The following GSDMC variants were observed in gnomAD, a reference collection of about 807,000 sequenced individuals.
GSDMC encodes the protein gasdermin-C.
GSDMC carries 59 observed loss-of-function variants against 58.0 expected under a neutral mutation model. The observed-to-expected ratio is 1.02, with a 90% CI of 0.82 to 1.26. The LOEUF (loss-of-function observed/expected upper bound fraction) is 1.26. GSDMC is among the 50% of genes most tolerant of loss of function. The pLI is 0.00. For missense variants in GSDMC, 659 were observed against 598.5 expected (o/e 1.10, Z -1.06); for synonymous variants, 241 against 220.2 (o/e 1.09, Z -0.83).
At position 129,776,251 on chromosome 8, in the gene GSDMC, G is replaced by A. The variant is rs2034223879; in HGVS notation, c.255C>T (p.Asp85=). ...CAGCCTTATGCTTCTGGATCATAAT[G>A]TCACTGAAGTGGAACGGTCCTGTCA... ...TVVTGPFHFS[D]IMIQKHKADM... Residue 85 remains aspartate (D), a synonymous_variant, in exon 3 of 14, where the codon GAC becomes GAT. Coordinates refer to ENST00000276708, the MANE Select transcript of GSDMC (RefSeq NM_031415.3). 1.2e-6 allele frequency: 2 copies of A among 1,613,138 alleles called. No individual in the cohort carries two copies. The highest frequency in any genetic ancestry group is 1.7e-6 in the Non-Finnish European group (2 of 1,179,588).
chr8:129,759,514 T>C (rs1265497996), intron 6 of GSDMC, among the ~76,000 whole-genome samples: 1 of 152,084 alleles, frequency 6.6e-6, no homozygotes, highest in Admixed American at 6.6e-5. Context: ...AATGACTATA[T>C]AGAAATAAAT....
At chr8:129,750,181 C>T in intron 11 of GSDMC, 62 bp from the exon 12 acceptor site, 1 of 1,322,328 alleles carries the variant, frequency 7.6e-7, no homozygotes, top group Non-Finnish European at 1.0e-6. Flanking sequence ...ATATAATTTG[C>T]CTGTGTCTAC....
chr8:129,729,759 C>T, the GSDMC span: 21 of 587,466 alleles, frequency 3.6e-5, no homozygotes, highest in Non-Finnish European at 5.8e-5. Context: ...TAAAAAGTGT[C>T]GCAATAAACA....
At chr8:129,720,871 G>A in the GSDMC span, among the ~76,000 whole-genome samples, 11 of 152,264 alleles carry the variant, frequency 7.2e-5, no homozygotes, top group East Asian at 3.9e-4. Context: ...ATTCAGAGAC[G>A]TAGTGAAAAT....
chr8:129,762,968 A>T (rs887229478), intron 4 of GSDMC, among the ~76,000 whole-genome samples: 1 of 151,828 alleles, frequency 6.6e-6, no homozygotes, highest in Admixed American at 6.6e-5. Context: ...TTAACTATTT[A>T]TTCTCTCTTT....
At position 129,777,498 on chromosome 8, in the gene GSDMC, G is replaced by T; in HGVS notation, c.90C>A (p.Ala30=). ...ATATAACAAACTGACGTAATTTGGTGGCACTCAATAGGTATTTGACAGGTG... is the reference window on the plus strand; with the variant it reads ...ATATAACAAACTGACGTAATTTGGTTGCACTCAATAGGTATTTGACAGGTG... ...DLTPVKYLLS[A]TKLRQFVILR... The change falls in exon 2 of 14, where the codon GCC becomes GCA. Residue 30 remains alanine, a synonymous_variant. Coordinates refer to ENST00000276708, the MANE Select transcript of GSDMC (RefSeq NM_031415.3). The T allele has an allele frequency of 6.2e-7, 1 of 1,612,836 alleles. No homozygotes were observed. The highest frequency in any genetic ancestry group is 1.1e-5 in the South Asian group (1 of 91,038).
intron 3 of GSDMC, among the ~76,000 whole-genome samples, chr8:129,772,641 C>T (rs935776732): frequency 4.6e-5 from 7 of 151,980 alleles, no homozygotes; most frequent in South Asian, 2.1e-4. Flanking sequence ...AAAAAAGCTC[C>T]GAAAAAACAT....
chr8:129,739,741 G>C, the GSDMC span, among the ~76,000 whole-genome samples: 1 of 152,134 alleles, frequency 6.6e-6, no homozygotes, highest in Non-Finnish European at 1.5e-5. Flanking sequence ...CAGAATACTT[G>C]CTAATAATCA....
At chr8:129,779,299 A>T (rs970004078) in intron 1 of GSDMC, among the ~76,000 whole-genome samples, 5 of 152,096 alleles carry the variant, frequency 3.3e-5, no homozygotes, top group African/African-American at 1.2e-4. Flanking sequence ...CAAGATCAAG[A>T]ACAGCTCCCA....
intron 10 of GSDMC, 82 bp downstream of exon 10, chr8:129,751,459 CT>C: frequency 8.7e-7 from 1 of 1,154,908 alleles, no homozygotes; most frequent in South Asian, 1.4e-5. Flanking sequence ...CAGTTTCTGA[CT>C]TGCATAGAAA....
the GSDMC span, among the ~76,000 whole-genome samples, chr8:129,716,861 T>C: frequency 6.6e-6 from 1 of 152,366 alleles, no homozygotes; most frequent in East Asian, 1.9e-4. Flanking sequence ...CTTTTCTGCA[T>C]CTATTGACAT....
intron 5 of GSDMC, 90 bp from the exon 6 acceptor site, chr8:129,760,679 G>T: frequency 3.2e-6 from 2 of 629,376 alleles, no homozygotes; most frequent in South Asian, 2.0e-5. Context: ...AAAACCACTG[G>T]GATGCCTGTT....
At chr8:129,717,625 C>T in the GSDMC span, among the ~76,000 whole-genome samples, 2 of 152,178 alleles carry the variant, frequency 1.3e-5, no homozygotes, top group South Asian at 2.1e-4. Flanking sequence ...ATGCTATGCC[C>T]CTCAAGCTAC....
chr8:129,762,996 G>A (rs575612380), intron 4 of GSDMC, among the ~76,000 whole-genome samples: 3 of 151,816 alleles, frequency 2.0e-5, no homozygotes, highest in Admixed American at 6.5e-5. Context: ...TGTTGAATTC[G>A]TTTTCCTTCT....
the GSDMC span, among the ~76,000 whole-genome samples, chr8:129,710,993 T>TC: frequency 1.3e-5 from 2 of 152,194 alleles, no homozygotes; most frequent in Non-Finnish European, 2.9e-5. Flanking sequence ...ATTCATGCAT[T>TC]CCTCCTGGAC....
At chr8:129,771,203 C>G (rs2034038195) in intron 3 of GSDMC, among the ~76,000 whole-genome samples, 1 of 151,458 alleles carries the variant, frequency 6.6e-6, no homozygotes, top group African/African-American at 2.4e-5. Flanking sequence ...GAGAAATAAA[C>G]AGCAATACAA....
the GSDMC span, among the ~76,000 whole-genome samples, chr8:129,742,988 C>A: frequency 6.6e-6 from 1 of 151,964 alleles, no homozygotes; most frequent in Non-Finnish European, 1.5e-5. Context: ...TAATTGTAAC[C>A]TTTCTTTCTC....
At position 129,776,281 on chromosome 8, in the gene GSDMC, A is replaced by G; in HGVS notation, c.225T>C (p.Thr75=). Residue 75 remains threonine (T), a synonymous_variant, in exon 3 of 14, where the codon ACT becomes ACC. Transcript: ENST00000276708. ...ILEPSSSVLE[T]VVTGPFHFSD... The stretch of plus-strand genomic sequence containing the variant: ...TGAAGTGGAACGGTCCTGTCACAAC[A>G]GTTTCTGGGGAAAGAAAAGACGACC... 1 of 1,600,244 alleles carries G rather than the reference A, an allele frequency of 6.2e-7. No individual in the cohort carries two copies. The highest frequency in any genetic ancestry group is 1.8e-5 in the Admixed American group (1 of 56,644).
At chr8:129,752,586 A>C in intron 7 of GSDMC, 112 bp downstream of exon 7, 1 of 1,454,260 alleles carries the variant, frequency 6.9e-7, no homozygotes. Flanking sequence ...AAGATGGTGC[A>C]ATAGAAGCCT....
Sources: allele counts gnomAD v4.1 joint callset (sites outside exome capture counted in the v4.1 genomes callset), GRCh38; gene constraint gnomAD v4.1.1; transcripts MANE v1.5; gene names NCBI Gene and HGNC (gene_info 2026-07-23, HGNC 2026-07-21).